Variants in CREB5 observed in about 807,000 individuals in gnomAD.
CREB5 encodes cAMP responsive element binding protein 5.
A neutral mutation model predicts 57.1 loss-of-function variants in CREB5; 19 were observed. That is an observed-to-expected ratio of 0.33 (90% CI 0.23 to 0.49). The LOEUF is 0.49. Ranked by LOEUF, CREB5 falls within the 20% of genes least tolerant of loss-of-function variation. CREB5 has a pLI of 0.99. For synonymous variants in CREB5, 238 were observed against 238.3 expected (o/e 1.00, Z 0.01); for missense variants, 579 against 671.6 (o/e 0.86, Z 1.52).
At chr7:28,785,316 T>C (rs1807256761) in intron 7 of CREB5, among the ~76,000 whole-genome samples, 1 of 152,214 alleles carries the variant, frequency 6.6e-6, no homozygotes, top group Non-Finnish European at 1.5e-5. Flanking sequence ...TGTAATAATA[T>C]ACAAATCATC....
chr7:28,412,592 A>G lies in CREB5; in HGVS notation c.-323A>G. ...GACAGTTCCACAAATTTTTAGTCACATTTTCCATGTCAGTTAAATCTAGGG... is the reference window on the plus strand; with the variant it reads ...GACAGTTCCACAAATTTTTAGTCACGTTTTCCATGTCAGTTAAATCTAGGG... On this transcript the variant is annotated 5_prime_UTR_variant, in exon 1 of 11. Transcript: ENST00000357727. 2 of 251,018 alleles carry G rather than the reference A, an allele frequency of 8.0e-6. No homozygotes were observed. Among genetic ancestry groups the G allele is most frequent in the Non-Finnish European group, 1.5e-5 (2 of 132,746 alleles). 15.5% of individuals were successfully genotyped at this position (251,018 alleles called of 1,614,324 possible).
rs1795133802 is a variant in CREB5 at position 28,560,879 on chromosome 7, C to CGTGCGTGCGTGCGCGTGCGTGCGTGCGT, written c.292-9475_292-9474insCGCGTGCGTGCGTGCGTGTGCGTGCGTG. Reference sequence around the variant, plus strand: ...GTGTGCGTGTGCCTGCGTGCGCGTGCGTGCGTGCGTGTGTGTGCGTGCGCG... The same window carrying CGTGCGTGCGTGCGCGTGCGTGCGTGCGT: ...GTGTGCGTGTGCCTGCGTGCGCGTGCGTGCGTGCGTGCGCGTGCGTGCGTGCGTGTGCGTGCGTGTGTGTGCGTGCGCG... On this transcript the variant is annotated intron_variant, in intron 4 of 10. Coordinates refer to ENST00000357727, the MANE Select transcript of CREB5 (RefSeq NM_182898.4). Among the ~76,000 whole-genome samples, 4 of 22,060 alleles carry CGTGCGTGCGTGCGCGTGCGTGCGTGCGT rather than the reference C, an allele frequency of 1.8e-4. 1 individual carries two copies. Among genetic ancestry groups the CGTGCGTGCGTGCGCGTGCGTGCGTGCGT allele is most frequent in the African/African-American group, 5.0e-4 (4 of 7,984 alleles). The allele number at this position is 22,060 out of a possible 152,430, so 14.5% of individuals were successfully genotyped here.
At chr7:28,566,614 A>G (rs1795489840) in intron 4 of CREB5, among the ~76,000 whole-genome samples, 2 of 152,360 alleles carry the variant, frequency 1.3e-5, no homozygotes, top group South Asian at 2.1e-4. Context: ...TAATTGGGAC[A>G]ATGTGAACTC....
chr7:28,471,445 T>C (rs1790800960), intron 1 of CREB5, among the ~76,000 whole-genome samples: 1 of 152,194 alleles, frequency 6.6e-6, no homozygotes, highest in South Asian at 2.1e-4. Context: ...TCTGCTTTTA[T>C]GCCAAAACCA....
At chr7:28,388,107 G>T (rs1170042776) in intron 1 of CREB5, among the ~76,000 whole-genome samples, 1 of 152,186 alleles carries the variant, frequency 6.6e-6, no homozygotes, top group East Asian at 1.9e-4. Context: ...GAGTTCCTAA[G>T]AGAGAATCTA....
At chr7:28,707,254 A>G (rs1045668198) in intron 5 of CREB5, among the ~76,000 whole-genome samples, 2 of 152,234 alleles carry the variant, frequency 1.3e-5, no homozygotes, top group Non-Finnish European at 2.9e-5. Context: ...TGTATTTTCT[A>G]CAGCAGATCA....
At chr7:28,716,911 G>T (rs1802719415) in intron 5 of CREB5, among the ~76,000 whole-genome samples, 1 of 152,068 alleles carries the variant, frequency 6.6e-6, no homozygotes, top group Non-Finnish European at 1.5e-5. Flanking sequence ...AGAGTTCCAA[G>T]AGTACATGTC....
At chr7:28,600,592 CA>C (rs1796879804) in intron 5 of CREB5, among the ~76,000 whole-genome samples, 1 of 152,092 alleles carries the variant, frequency 6.6e-6, no homozygotes, top group South Asian at 2.1e-4. Context: ...TTATGCAGGC[CA>C]GACAGACTTC....
intron 1 of CREB5, among the ~76,000 whole-genome samples, chr7:28,377,756 C>G (rs1013102928): frequency 6.6e-6 from 1 of 151,400 alleles, no homozygotes; most frequent in African/African-American, 2.4e-5. Flanking sequence ...GTGAAACCCC[C>G]GTCTCTACTA....
At chr7:28,713,698 T>A (rs1353998236) in intron 5 of CREB5, among the ~76,000 whole-genome samples, 1 of 152,130 alleles carries the variant, frequency 6.6e-6, no homozygotes, top group East Asian at 1.9e-4. Context: ...TGTTTTCAAG[T>A]CCTGAAATCC....
At chr7:28,717,546 C>G (rs550738298) in intron 5 of CREB5, among the ~76,000 whole-genome samples, 1 of 152,298 alleles carries the variant, frequency 6.6e-6, no homozygotes, top group East Asian at 1.9e-4. Flanking sequence ...GGAAGCAGCT[C>G]CTTCTCCTAC....
chr7:28,302,662 A>G (rs1386676061), intron 1 of CREB5, among the ~76,000 whole-genome samples: 3 of 152,186 alleles, frequency 2.0e-5, no homozygotes, highest in African/African-American at 2.4e-5. Flanking sequence ...AGGCAAGGCC[A>G]TGAACGTCCT....
At chr7:28,608,113 TCACACACACTCACACACA>T (rs1296283807) in intron 5 of CREB5, among the ~76,000 whole-genome samples, 15 of 143,178 alleles carry the variant, frequency 1.0e-4, no homozygotes, top group African/African-American at 2.7e-4. Flanking sequence ...TCTCTCTCTC[TCACACACACTCACACACA>T]CACACACACA....
rs557381861 is a variant in CREB5, at chr7:28,531,504, G to A, written c.291+23767G>A. On this transcript the variant is annotated intron_variant, in intron 4 of 10. Coordinates refer to ENST00000357727, the MANE Select transcript of CREB5 (RefSeq NM_182898.4). ...ATAAGGACACCACTCATGATAGATT[G>A]GGAGCCTACCCTCCTCCGGAATGAC... Among the ~76,000 whole-genome samples the A allele has an allele frequency of 7.2e-5, 11 of 152,246 alleles. 2 individuals carry two copies. The South Asian group carries it at 1.5e-3, about 20-fold the overall frequency.
chr7:28,802,565 A>G (rs190491863), intron 7 of CREB5, among the ~76,000 whole-genome samples: 1 of 152,372 alleles, frequency 6.6e-6, no homozygotes, highest in East Asian at 1.9e-4. Context: ...CCTGGTAAAT[A>G]CTTCATGAAG....
intron 5 of CREB5, among the ~76,000 whole-genome samples, chr7:28,658,665 T>A (rs1057180015): frequency 6.6e-6 from 1 of 152,092 alleles, no homozygotes; most frequent in Non-Finnish European, 1.5e-5. Context: ...GCTCATGGTG[T>A]TCCCAGGAGG....
In CREB5 at chr7:28,591,300, C is replaced by T. The variant is rs139804677; in HGVS notation, c.464+20763C>T. 1.2e-4 allele frequency among the ~76,000 whole-genome samples: 19 copies of T among 152,302 alleles called. No individual in the cohort carries two copies. In the East Asian group the frequency reaches 1.9e-3, roughly 15 times the overall value. ...GCATAACGCCATTCCTTCAAGCAGT[C>T]GGGCTGAGAGGAGTCCTCTCTAGCT... is the stretch of plus-strand genomic sequence containing the variant. On this transcript the variant is annotated intron_variant, in intron 5 of 10. Transcript: ENST00000357727.
At chr7:28,426,712 T>G (rs1353768468) in intron 1 of CREB5, among the ~76,000 whole-genome samples, 1 of 152,232 alleles carries the variant, frequency 6.6e-6, no homozygotes. Flanking sequence ...CTTAGTGCTT[T>G]GTTAATCTTT....
chr7:28,543,145 A>G (rs160367), intron 4 of CREB5, among the ~76,000 whole-genome samples: 138,471 of 152,194 alleles, frequency 0.91, 63,157 homozygotes, highest in African/African-American at 0.97. Flanking sequence ...TATTTGTGTT[A>G]TATGGAACAA....
Sources: allele counts gnomAD v4.1 joint callset (sites outside exome capture counted in the v4.1 genomes callset), GRCh38; gene constraint gnomAD v4.1.1; transcripts MANE v1.5; gene names NCBI Gene and HGNC (gene_info 2026-07-23, HGNC 2026-07-21).